FCN1: variants seen among roughly 807,000 people sequenced by gnomAD.
FCN1 encodes ficolin-1.
A neutral mutation model predicts 35.6 loss-of-function variants in FCN1; 42 were observed. That is an observed-to-expected ratio of 1.18 (90% CI 0.92 to 1.53). The LOEUF is 1.53. Among genes scored for constraint, FCN1 ranks in the 40% most tolerant of loss-of-function variants. The pLI, the probability that FCN1 is intolerant of heterozygous loss-of-function variation, is 0.00. For missense variants in FCN1, 439 were observed against 428.4 expected (o/e 1.02, Z -0.22); for synonymous variants, 179 against 169.8 (o/e 1.05, Z -0.42).
At chr9:134,914,285 G>T in intron 4 of FCN1, 100 bp downstream of exon 4, 1 of 1,060,164 alleles carries the variant, frequency 9.4e-7, no homozygotes, top group Non-Finnish European at 1.5e-6. Context: ...AGCCTGGATT[G>T]ACAGGGACGT....
chr9:134,905,971 C>CCTT lies in FCN1; in HGVS notation c.*3824_*3826dup, dbSNP rs1180235424. On this transcript the variant is annotated 3_prime_UTR_variant, in exon 9 of 9. Coordinates refer to ENST00000371806, the MANE Select transcript of FCN1 (RefSeq NM_002003.5). ...TCTCCCTCTCCCTCTCCCTCTTTCT[C>CCTT]CTTCTTCTTCTTCTTCTTTTTATTT... 1.8e-4 allele frequency: 24 copies of CCTT among 135,938 alleles called. No individual in the cohort carries two copies. The highest frequency in any genetic ancestry group is 2.5e-4 in the Non-Finnish European group (17 of 67,052). The allele number at this position is 135,938 out of a possible 1,614,324, so 8.4% of individuals were successfully genotyped here. A position where few individuals can be genotyped will look rare whatever the true frequency, so the allele number is the denominator to read the frequency against.
intron 7 of FCN1, 57 bp from the exon 8 acceptor site, chr9:134,911,324 G>A: frequency 6.8e-7 from 1 of 1,466,710 alleles, no homozygotes; most frequent in Admixed American, 2.1e-5. Flanking sequence ...CACCAGGCAT[G>A]AGGGCTGGGG....
In FCN1 at chr9:134,909,453, T is replaced by A; in HGVS notation, c.*345A>T. 1.5e-6 allele frequency: 2 copies of A among 1,297,174 alleles called. No homozygotes were observed. The highest frequency in any genetic ancestry group is 2.0e-6 in the Non-Finnish European group (2 of 992,730). 80.4% of individuals were successfully genotyped at this position (1,297,174 alleles called of 1,614,324 possible). On this transcript the variant is annotated 3_prime_UTR_variant, in exon 9 of 9. Transcript: ENST00000371806. Reference sequence around the variant, plus strand: ...ACTCAACCTCCCTGAACATCGGTAGTGCCATCTGCTAAATAAGGGTCCTGA... The same window carrying A: ...ACTCAACCTCCCTGAACATCGGTAGAGCCATCTGCTAAATAAGGGTCCTGA...
intron 1 of FCN1, 69 bp downstream of exon 1, chr9:134,917,700 G>A (rs1264164392): frequency 2.0e-6 from 2 of 984,690 alleles, no homozygotes; most frequent in African/African-American, 3.2e-5. Flanking sequence ...TTTTGCCTGG[G>A]ACACCCGAGT....
intron 1 of FCN1, among the ~76,000 whole-genome samples, chr9:134,916,936 A>C (rs1219448211): frequency 1.3e-5 from 2 of 152,178 alleles, no homozygotes; most frequent in African/African-American, 2.4e-5. Flanking sequence ...GGGGCTTTCT[A>C]GGTCCTCTGG....
rs759627013 is a variant in FCN1 at position 134,909,750 on chromosome 9, G to A, written c.*48C>T. 6.2e-7 allele frequency: 1 copy of A among 1,606,404 alleles called. No individual in the cohort carries two copies. The highest frequency in any genetic ancestry group is 1.7e-5 in the Admixed American group (1 of 59,946). On this transcript the variant is annotated 3_prime_UTR_variant, in exon 9 of 9. Coordinates refer to ENST00000371806, the MANE Select transcript of FCN1 (RefSeq NM_002003.5). ...TGACTTCCACGACGCAGCGCTTGTG[G>A]GTGTGGCCTCCCCACTAGCAGGTGC...
chr9:134,914,251 C>T (rs917203174), intron 4 of FCN1, 134 bp downstream of exon 4: 2 of 817,758 alleles, frequency 2.4e-6, no homozygotes, highest in African/African-American at 1.7e-5. Context: ...GCCCGCTGGA[C>T]TCCTTCCACC....
In FCN1 at chr9:134,906,786, T is replaced by C. The variant is rs1830961486; in HGVS notation, c.*3012A>G. 1 of 152,132 alleles carries C rather than the reference T, an allele frequency of 6.6e-6. No homozygotes were observed. Among genetic ancestry groups the C allele is most frequent in the Admixed American group, 6.6e-5 (1 of 15,262 alleles). 9.4% of individuals were successfully genotyped at this position (152,132 alleles called of 1,614,324 possible). On this transcript the variant is annotated 3_prime_UTR_variant, in exon 9 of 9. Coordinates refer to ENST00000371806, the MANE Select transcript of FCN1 (RefSeq NM_002003.5). Reference sequence around the variant, plus strand: ...AGATTCCTTAATACAAAAGGCATATTTTGGCCAGGCACAGTGTCTCACGCC... The same window carrying C: ...AGATTCCTTAATACAAAAGGCATATCTTGGCCAGGCACAGTGTCTCACGCC...
In FCN1 at chr9:134,909,846, C is replaced by T; in HGVS notation, c.933G>A (p.Gly311=). ...CTGACACCTTGTAGCTATATTTGTA[C>T]CCCTTCGCCGCACTCCAGTTGATAC... ...ANGINWSAAK[G]YKYSYKVSEM... is the part of the protein sequence containing the mutation. Residue 311 remains glycine (G), a synonymous_variant, in exon 9 of 9, where the codon GGG becomes GGA. Transcript: ENST00000371806. 6 of 1,614,064 alleles carry T rather than the reference C, an allele frequency of 3.7e-6. No individual in the cohort carries two copies. The highest frequency in any genetic ancestry group is 5.1e-6 in the Non-Finnish European group (6 of 1,180,008).
rs752580161 is a variant in FCN1 at position 134,909,535 on chromosome 9, A to T, written c.*263T>A. On this transcript the variant is annotated 3_prime_UTR_variant, in exon 9 of 9. Transcript: ENST00000371806. ...ACCTGCCGTGCAACAGACACAGGAA[A>T]GTGATCAAAACCACTGGTGTTCAAG... The T allele has an allele frequency of 6.2e-5, 86 of 1,390,950 alleles. No homozygotes were observed. Among genetic ancestry groups the T allele is most frequent in the Non-Finnish European group, 8.2e-5 (86 of 1,054,534 alleles). 86.2% of individuals were successfully genotyped at this position (1,390,950 alleles called of 1,614,324 possible).
At position 134,909,153 on chromosome 9, in the gene FCN1, G is replaced by A; in HGVS notation, c.*645C>T. On this transcript the variant is annotated 3_prime_UTR_variant, in exon 9 of 9. Coordinates refer to ENST00000371806, the MANE Select transcript of FCN1 (RefSeq NM_002003.5). ...GCCTCTTCGGAATCTTCTCTGTGCA[G>A]GTGGCTGACCAGGCGCTCACTTAGT... is the stretch of plus-strand genomic sequence containing the variant. The A allele has an allele frequency of 2.4e-6, 3 of 1,244,974 alleles. No homozygotes were observed. The highest frequency in any genetic ancestry group is 3.1e-6 in the Non-Finnish European group (3 of 954,702). The allele number at this position is 1,244,974 out of a possible 1,614,324, so 77.1% of individuals were successfully genotyped here.
chr9:134,905,810 C>CTCTTCTTCTTCTTCTTCTTCT lies in FCN1; in HGVS notation c.*3987_*3988insAGAAGAAGAAGAAGAAGAAGA, dbSNP rs1186494371. The CTCTTCTTCTTCTTCTTCTTCT allele has an allele frequency of 1.1e-4, 6 of 53,826 alleles. 2 individuals carry two copies. The highest frequency in any genetic ancestry group is 3.5e-4 in the East Asian group (1 of 2,818). The allele number at this position is 53,826 out of a possible 1,614,324, so 3.3% of individuals were successfully genotyped here. ...CTGCTGCTGCTTCTTCTTCTTCTTC[C>CTCTTCTTCTTCTTCTTCTTCT]TCTTCTTCTTCTTCTTCCTCTTCCT... is the stretch of plus-strand genomic sequence containing the variant. On this transcript the variant is annotated 3_prime_UTR_variant, in exon 9 of 9. Transcript: ENST00000371806.
intron 5 of FCN1, 145 bp from the exon 6 acceptor site, chr9:134,913,288 C>A (rs1588152519): frequency 8.8e-7 from 1 of 1,136,516 alleles, no homozygotes; most frequent in East Asian, 2.6e-5. Context: ...AGGGACACGG[C>A]CCCCAGGGCC....
chr9:134,909,188 G>A lies in FCN1; in HGVS notation c.*610C>T, dbSNP rs1336202171. The A allele has an allele frequency of 5.4e-6, 7 of 1,288,628 alleles. No homozygotes were observed. The South Asian group carries it at 8.7e-5, about 16-fold the overall frequency. 79.8% of individuals were successfully genotyped at this position (1,288,628 alleles called of 1,614,324 possible). A position where few individuals can be genotyped will look rare whatever the true frequency, so the allele number is the denominator to read the frequency against. ...CAGGCGCTCACTTAGTGAGTGCTAA[G>A]TGTTTATCTCTTCCCAGCAGCCAGC... is the stretch of plus-strand genomic sequence containing the variant. On this transcript the variant is annotated 3_prime_UTR_variant, in exon 9 of 9. Coordinates refer to ENST00000371806, the MANE Select transcript of FCN1 (RefSeq NM_002003.5).
intron 5 of FCN1, 144 bp from the exon 6 acceptor site, chr9:134,913,287 GC>G: frequency 3.5e-6 from 4 of 1,146,750 alleles, no homozygotes; most frequent in Non-Finnish European, 3.7e-6. Flanking sequence ...CAGGGACACG[GC>G]CCCCAGGGCC....
At chr9:134,911,364 G>A (rs2118935774) in intron 7 of FCN1, 97 bp from the exon 8 acceptor site, 2 of 936,184 alleles carry the variant, frequency 2.1e-6, no homozygotes, top group Admixed American at 2.4e-5. Context: ...TTTTTTTTGA[G>A]ACAGAGTTCC....
At position 134,914,340 on chromosome 9, in the gene FCN1, G is replaced by A. The variant is rs201393474; in HGVS notation, c.307+45C>T. The A allele has an allele frequency of 1.8e-4, 291 of 1,592,474 alleles. 1 individual carries two copies. The African/African-American group carries it at 3.4e-3, about 19-fold the overall frequency. On this transcript the variant is annotated intron_variant, in intron 4 of 8. Transcript: ENST00000371806. ...TGAGGCCTCTGAGACCCCTCCCCTG[G>A]ACAAAGCCTGCAGAGACAACTGCCT...
rs1316270428 is a variant in FCN1, at chr9:134,911,128, C to T, written c.733+5G>A. On this transcript the variant is annotated splice_donor_5th_base_variant and intron_variant, in intron 8 of 8. Coordinates refer to ENST00000371806, the MANE Select transcript of FCN1 (RefSeq NM_002003.5). ...TCAGGCCACCAGCCCCAAGCAGACA[C>T]TCACCCGCACTGCCCCCGACAAAGG... is the stretch of plus-strand genomic sequence containing the variant. The T allele has an allele frequency of 6.2e-7, 1 of 1,613,940 alleles. No homozygotes were observed. The highest frequency in any genetic ancestry group is 8.5e-7 in the Non-Finnish European group (1 of 1,179,968).
chr9:134,915,492 G>A (rs1017119402), intron 2 of FCN1, among the ~76,000 whole-genome samples: 8 of 152,168 alleles, frequency 5.3e-5, no homozygotes, highest in African/African-American at 1.9e-4. Context: ...TTCTTCTCCT[G>A]CCAGGGAAGG....
Sources: gnomAD v4.1 joint callset for allele counts (sites outside exome capture counted in the v4.1 genomes callset) on GRCh38, gnomAD v4.1.1 for gene constraint, MANE v1.5 for transcripts, NCBI Gene and HGNC (gene_info 2026-07-23, HGNC 2026-07-21) for gene names.